The following BRWD1 variants were observed in gnomAD, a reference collection of about 807,000 sequenced individuals.
The protein encoded by BRWD1 is bromodomain and WD repeat domain containing 1.
Under a neutral mutation model 251.2 loss-of-function variants are expected in BRWD1, and 82 were observed. The observed-to-expected ratio is 0.33, with a 90% CI of 0.27 to 0.39. The LOEUF (loss-of-function observed/expected upper bound fraction) is 0.39. Among genes scored for constraint, BRWD1 ranks in the 10% least tolerant of loss-of-function variants. The probability of loss-of-function intolerance (pLI) is 1.00; values close to 1 mark genes in which losing one functional copy is unlikely to be tolerated. For missense variants in BRWD1, 2,233 were observed against 2,711.6 expected (o/e 0.82, Z 3.92); for synonymous variants, 918 against 902.8 (o/e 1.02, Z -0.30).
chr21:39,201,140 C>T (rs1162325441), intron 38 of BRWD1, among the ~76,000 whole-genome samples: 2 of 152,286 alleles, frequency 1.3e-5, no homozygotes, highest in African/African-American at 2.4e-5. Context: ...CCTAACAGCA[C>T]AGTAAGGTCA....
At position 39,190,058 on chromosome 21, in the gene BRWD1, A is replaced by G; in HGVS notation, c.*6201T>C. 2.0e-6 allele frequency: 2 copies of G among 985,408 alleles called. No individual in the cohort carries two copies. The highest frequency in any genetic ancestry group is 4.7e-5 in the South Asian group (1 of 21,292). 61.0% of individuals were successfully genotyped at this position (985,408 alleles called of 1,614,324 possible). On this transcript the variant is annotated 3_prime_UTR_variant, in exon 41 of 41. Transcript: ENST00000342449. ...TAGTGTAAAACTGTACATCTGTAGT[A>G]GCACTCCATGATCATTTCCCTGGAT...
At position 39,239,202 on chromosome 21, in the gene BRWD1, A is replaced by G. The variant is rs1442276059; in HGVS notation, c.2482-629T>C. Among the ~76,000 whole-genome samples the G allele has an allele frequency of 2.0e-5, 3 of 152,004 alleles. No individual in the cohort carries two copies. In the East Asian group the frequency reaches 5.8e-4, roughly 29 times the overall value. On this transcript the variant is annotated intron_variant, in intron 21 of 40. Coordinates refer to ENST00000342449, the MANE Select transcript of BRWD1 (RefSeq NM_033656.4). ...CATTTCAGTGTAGTCCAAATTTTTT[A>G]TATTTTTTCTTTCATGATTGTGCTT... is the stretch of plus-strand genomic sequence containing the variant.
intron 1 of BRWD1, among the ~76,000 whole-genome samples, chr21:39,319,465 G>A (rs2039837967): frequency 6.6e-6 from 1 of 152,206 alleles, no homozygotes; most frequent in Admixed American, 6.5e-5. Context: ...TGGGAACATG[G>A]GAGCTGGGAT....
At chr21:39,223,905 T>A (rs908231469) in intron 29 of BRWD1, among the ~76,000 whole-genome samples, 1 of 152,176 alleles carries the variant, frequency 6.6e-6, no homozygotes, top group East Asian at 1.9e-4. Context: ...TGGAGTGCAG[T>A]AGCCGCAATC....
rs2031595093 is a variant in BRWD1 at position 39,192,310 on chromosome 21, TA to T, written c.*3948del. On this transcript the variant is annotated 3_prime_UTR_variant, in exon 41 of 41. Transcript: ENST00000342449. ...GTTTGAGCTAGGAATTAACATTTGC[TA>T]ATCTAGTTGGACTCAGTTTTTCCCA... 2.0e-6 allele frequency: 2 copies of T among 985,212 alleles called. No individual in the cohort carries two copies. Among genetic ancestry groups the T allele is most frequent in the African/African-American group, 1.7e-5 (1 of 57,230 alleles). 61.0% of individuals were successfully genotyped at this position (985,212 alleles called of 1,614,324 possible).
intron 12 of BRWD1, 122 bp downstream of exon 12, chr21:39,276,051 T>C (rs1601440178): frequency 1.3e-6 from 1 of 787,278 alleles, no homozygotes; most frequent in Non-Finnish European, 1.7e-6. Context: ...AATAAATAAA[T>C]AAATAATCAT....
At chr21:39,236,553 G>T (rs750970521) in intron 23 of BRWD1, 42 bp downstream of exon 23, 2 of 1,440,600 alleles carry the variant, frequency 1.4e-6, no homozygotes, top group Non-Finnish European at 1.9e-6. Flanking sequence ...TAAAGCTGGG[G>T]TATCATGATA....
At chr21:39,313,379 G>A (rs1024890116) in intron 1 of BRWD1, 64 bp downstream of exon 1, 9 of 1,485,996 alleles carry the variant, frequency 6.1e-6, no homozygotes, top group Middle Eastern at 2.3e-4. Flanking sequence ...GGGAGCCCGG[G>A]GAGCCGGGGA....
intron 31 of BRWD1, among the ~76,000 whole-genome samples, chr21:39,215,727 A>T (rs1014989777): frequency 1.3e-5 from 2 of 152,164 alleles, no homozygotes; most frequent in African/African-American, 4.8e-5. Flanking sequence ...GCAAGCTGGG[A>T]TTACACCTGT....
At chr21:39,305,768 G>A (rs946784838) in intron 4 of BRWD1, among the ~76,000 whole-genome samples, 17 of 151,702 alleles carry the variant, frequency 1.1e-4, no homozygotes, top group African/African-American at 4.1e-4. Flanking sequence ...GAGGGCTGAG[G>A]CAGGAGAATC....
intron 40 of BRWD1, 148 bp from the exon 41 acceptor site, chr21:39,197,563 T>G (rs1379875544): frequency 1.5e-6 from 1 of 653,150 alleles, no homozygotes. Context: ...TATAGTCATA[T>G]GTTGCTCAAC....
At chr21:39,270,179 T>C in intron 14 of BRWD1, 104 bp downstream of exon 14, 1 of 1,244,826 alleles carries the variant, frequency 8.0e-7, no homozygotes, top group Non-Finnish European at 1.1e-6. Flanking sequence ...TTTCATAGTT[T>C]ACATGAGAGA....
At chr21:39,202,646 T>G in intron 37 of BRWD1, 101 bp from the exon 38 acceptor site, 1 of 748,744 alleles carries the variant, frequency 1.3e-6, no homozygotes, top group Non-Finnish European at 2.1e-6. Flanking sequence ...TTTCTTAAAC[T>G]GAGAGTAATT....
intron 34 of BRWD1, 75 bp from the exon 35 acceptor site, chr21:39,211,004 C>T: frequency 7.1e-7 from 1 of 1,406,928 alleles, no homozygotes; most frequent in Middle Eastern, 2.1e-4. Context: ...AACTGATCTA[C>T]TGTCTTCTAT....
chr21:39,257,202 T>TAAAA (rs5843954), intron 18 of BRWD1, among the ~76,000 whole-genome samples: 2 of 137,008 alleles, frequency 1.5e-5, no homozygotes, highest in African/African-American at 5.4e-5. Context: ...TGAAGCTATT[T>TAAAA]AAAAAAAAAA....
chr21:39,271,452 G>C (rs975143914), intron 13 of BRWD1, among the ~76,000 whole-genome samples: 1 of 151,964 alleles, frequency 6.6e-6, no homozygotes, highest in African/African-American at 2.4e-5. Context: ...CATTTTGAGA[G>C]GCCGAGGCAG....
downstream of BRWD1, chr21:39,185,207 A>G: frequency 6.6e-6 from 1 of 151,296 alleles, no homozygotes; most frequent in Non-Finnish European, 1.5e-5. Context: ...CAAGACTGAT[A>G]ATACAATCTC....
At position 39,194,908 on chromosome 21, in the gene BRWD1, T is replaced by G. The variant is rs1368887071; in HGVS notation, c.*1351A>C. On this transcript the variant is annotated 3_prime_UTR_variant, in exon 41 of 41. Transcript: ENST00000342449. ...TTAGGGCTAATAAATAACTTACAGG[T>G]GGGGTACTGTAACATATCCCTTACC... is the stretch of plus-strand genomic sequence containing the variant. 2 of 1,516,864 alleles carry G rather than the reference T, an allele frequency of 1.3e-6. No individual in the cohort carries two copies. Among genetic ancestry groups the G allele is most frequent in the African/African-American group, 1.4e-5 (1 of 72,636 alleles). The allele number at this position is 1,516,864 out of a possible 1,614,324, so 94.0% of individuals were successfully genotyped here. A position where few individuals can be genotyped will look rare whatever the true frequency, so the allele number is the denominator to read the frequency against.
Position 39,281,018 on chromosome 21 carries a change from A to G in BRWD1, c.832-770T>C, listed in dbSNP as rs555420512. ...TAAATAGTAGGAAAATGCAAGGAAA[A>G]CAAACACACACTAAGCAAAGGAATA... On this transcript the variant is annotated intron_variant, in intron 8 of 40. Transcript: ENST00000342449. 3.3e-5 allele frequency among the ~76,000 whole-genome samples: 5 copies of G among 152,342 alleles called. No homozygotes were observed. The South Asian group carries it at 1.0e-3, about 32-fold the overall frequency.
Sources: gnomAD v4.1 joint callset for allele counts (sites outside exome capture counted in the v4.1 genomes callset) on GRCh38, gnomAD v4.1.1 for gene constraint, MANE v1.5 for transcripts, NCBI Gene and HGNC (gene_info 2026-07-23, HGNC 2026-07-21) for gene names.